Variants in CLUH observed in about 807,000 individuals in gnomAD.
The protein encoded by CLUH is CLUH binding protein of NUMT mRNA.
Under a neutral mutation model 139.3 loss-of-function variants are expected in CLUH, and 77 were observed. That is an observed-to-expected ratio of 0.55 (90% CI 0.46 to 0.67). The LOEUF (loss-of-function observed/expected upper bound fraction) is 0.67. CLUH is among the 30% of genes least tolerant of loss of function. CLUH has a pLI of 0.00. For synonymous variants in CLUH, 999 were observed against 801.6 expected, an observed-to-expected ratio of 1.25 and a Z score of -4.16; for missense variants, 1,876 against 1,875.8, an observed-to-expected ratio of 1.00 and a Z score of 0.00.
At position 2,695,493 on chromosome 17, in the gene CLUH, C is replaced by G. The variant is rs368772841; in HGVS notation, c.2425G>C (p.Val809Leu). ...KDCMEHAVLP[V>L]DGATLAEVMR... is the part of the protein sequence containing the mutation. ...ACCTCTGCCAGCGTTGCCCCGTCCA[C>G]GGGCAGGACCGCGTGCTCCATGCAG... Residue 809 changes from valine to leucine, a missense_variant, in exon 14 of 26, where the codon GTG (valine) becomes CTG (leucine). Physicochemically the swap from Val to Leu is conservative, Grantham distance 32. This residue lies in a region of CLUH where 1,454 missense variants were observed against 1,384.4 expected (regional missense o/e 1.05). Coordinates refer to ENST00000651024, the MANE Select transcript of CLUH (RefSeq NM_001366661.1). 4.7e-5 allele frequency: 75 copies of G among 1,607,388 alleles called. No homozygotes were observed. Among genetic ancestry groups the G allele is most frequent in the Non-Finnish European group, 6.3e-5 (74 of 1,179,636 alleles).
Position 2,692,495 on chromosome 17 carries a change from G to A in CLUH, c.3439-13C>T, listed in dbSNP as rs2069733139. The stretch of plus-strand genomic sequence containing the variant: ...GCCCGATGTTGTTCTGGGGGCAGGC[G>A]GTGGGGGGCCCTGGTCAGCTCCCGG... On this transcript the variant is annotated splice_polypyrimidine_tract_variant and intron_variant, in intron 21 of 25. Transcript: ENST00000651024. The A allele has an allele frequency of 2.5e-6, 4 of 1,597,130 alleles. No individual in the cohort carries two copies. Among genetic ancestry groups the A allele is most frequent in the South Asian group, 2.2e-5 (2 of 90,712 alleles).
chr17:2,691,961 GCCCCCGCCCCGCCCCCGC>G (rs1234017516), intron 23 of CLUH, 25 bp downstream of exon 23: 15 of 652,616 alleles, frequency 2.3e-5, no homozygotes, highest in Non-Finnish European at 2.6e-5. Context: ...GCCCCGCCAC[GCCCCCGCCCCGCCCCCGC>G]CCCCGCCACG....
rs2151724293 is a variant in CLUH, at chr17:2,707,120, T to C, written c.101-2556A>G. The C allele has an allele frequency of 1.0e-6, 1 of 957,706 alleles. No homozygotes were observed. The highest frequency in any genetic ancestry group is 1.8e-5 in the African/African-American group (1 of 56,806). 59.3% of individuals were successfully genotyped at this position (957,706 alleles called of 1,614,324 possible). A position where few individuals can be genotyped will look rare whatever the true frequency, so the allele number is the denominator to read the frequency against. ...GGTCTCCCCACCCCTGGATGAAGGC[T>C]GAGCGATCTCCCCCGCAGGCAGCTG... On this transcript the variant is annotated intron_variant, in intron 1 of 25. Coordinates refer to ENST00000651024, the MANE Select transcript of CLUH (RefSeq NM_001366661.1). The surrounding 1 kb of genome is among the most constrained non-coding windows in gnomAD (Gnocchi z 7.4).
intron 7 of CLUH, 152 bp from the exon 8 acceptor site, chr17:2,700,977 C>A (rs934306608): frequency 4.1e-5 from 59 of 1,430,324 alleles, no homozygotes; most frequent in Non-Finnish European, 5.3e-5. Context: ...GCCTCTCCTG[C>A]GGCTGCTGTC....
At chr17:2,708,335 G>A (rs766923393) in intron 1 of CLUH, among the ~76,000 whole-genome samples, 1 of 152,172 alleles carries the variant, frequency 6.6e-6, no homozygotes, top group Admixed American at 6.5e-5. Flanking sequence ...ACCCTCTCCT[G>A]AAATACACCC....
chr17:2,711,782 C>A (rs1177765336), upstream of CLUH: 1 of 286,316 alleles, frequency 3.5e-6, no homozygotes, highest in Non-Finnish European at 5.2e-6. Flanking sequence ...GTGGTGCGCG[C>A]CGTGGCCTTT....
rs540206732 is a variant in CLUH at position 2,704,710 on chromosome 17, C to T, written c.101-146G>A. The T allele has an allele frequency of 3.8e-5, 29 of 757,130 alleles. No individual in the cohort carries two copies. Among genetic ancestry groups the T allele is most frequent in the South Asian group, 2.7e-4 (15 of 54,730 alleles). 46.9% of individuals were successfully genotyped at this position (757,130 alleles called of 1,614,324 possible). Reference sequence around the variant, plus strand: ...AGCCTCACGGTCGCGCCTCGCCCTCCGTGCACCTGCAGGCCACTTCCACAC... The same window carrying T: ...AGCCTCACGGTCGCGCCTCGCCCTCTGTGCACCTGCAGGCCACTTCCACAC... On this transcript the variant is annotated intron_variant, in intron 1 of 25. Transcript: ENST00000651024. The surrounding 1 kb of genome is among the most constrained non-coding windows in gnomAD (Gnocchi z 5.7).
intron 22 of CLUH, 82 bp downstream of exon 22, chr17:2,692,279 G>C (rs1419402710): frequency 9.6e-6 from 14 of 1,464,294 alleles, no homozygotes; most frequent in Admixed American, 2.3e-5. Context: ...AGGAAGACAG[G>C]AGCACTGGGT....
intron 4 of CLUH, 41 bp downstream of exon 4, chr17:2,701,873 C>A: frequency 6.2e-7 from 1 of 1,611,014 alleles, no homozygotes; most frequent in Non-Finnish European, 8.5e-7. Context: ...TCCGTGCTCC[C>A]CGCCCTTTGG....
At position 2,698,660 on chromosome 17, in the gene CLUH, C is replaced by T. The variant is rs959493067; in HGVS notation, c.1267-70G>A. The T allele has an allele frequency of 2.0e-5, 28 of 1,419,080 alleles. No homozygotes were observed. In the African/African-American group the frequency reaches 3.7e-4, roughly 19 times the overall value. The allele number at this position is 1,419,080 out of a possible 1,614,324, so 87.9% of individuals were successfully genotyped here. A position where few individuals can be genotyped will look rare whatever the true frequency, so the allele number is the denominator to read the frequency against. On this transcript the variant is annotated intron_variant, in intron 9 of 25. Transcript: ENST00000651024. ...GAGCCTGCATCCACCTGGCCAAGCG[C>T]ACGCACCTAGACCGCGGAGGCAACC...
chr17:2,703,270 G>C lies in CLUH; in HGVS notation c.475+48C>G, dbSNP rs1341950051. On this transcript the variant is annotated intron_variant, in intron 3 of 25. Coordinates refer to ENST00000651024, the MANE Select transcript of CLUH (RefSeq NM_001366661.1). The surrounding 1 kb of genome is among the most constrained non-coding windows in gnomAD (Gnocchi z 4.2). ...GGCATGGATGGTGCTGCCTGCCTCTGCCTCCGTGGGCCCTCCCCCGGGCAG... is the reference window on the plus strand; with the variant it reads ...GGCATGGATGGTGCTGCCTGCCTCTCCCTCCGTGGGCCCTCCCCCGGGCAG... 1.9e-6 allele frequency: 3 copies of C among 1,560,550 alleles called. No individual in the cohort carries two copies. The highest frequency in any genetic ancestry group is 2.6e-6 in the Non-Finnish European group (3 of 1,151,842).
At position 2,696,496 on chromosome 17, in the gene CLUH, G is replaced by A. The variant is rs182611545; in HGVS notation, c.2228C>T (p.Ala743Val). The A allele has an allele frequency of 8.8e-6, 14 of 1,590,310 alleles. No individual in the cohort carries two copies. Among genetic ancestry groups the A allele is most frequent in the African/African-American group, 8.0e-5 (6 of 74,564 alleles). Residue 743 changes from alanine (A) to valine (V), a missense_variant, in exon 12 of 26, where the codon GCG becomes GTG. Coordinates refer to ENST00000651024, the MANE Select transcript of CLUH (RefSeq NM_001366661.1). ...SREVIRNACK[A>V]VGSISSTAFD... The stretch of plus-strand genomic sequence containing the variant: ...GGCGGTGCTGCTGATGGAGCCGACC[G>A]CCTTGCACGCGTTGCGGATCACCTC...
In CLUH at chr17:2,701,230, C is replaced by A. The variant is rs1291279785; in HGVS notation, c.935G>T (p.Ser312Ile). ...TAYHFNPKPA[S>I]PRFLSHSLVE... ...TAGGGAATGGCTTAGGAAGCGGGGG[C>A]TGGCGGGCTTGGGGTTGAAGTGATA... Residue 312 changes from serine to isoleucine, a missense_variant, in exon 7 of 26, where the codon AGC (serine) becomes ATC (isoleucine). By Grantham distance (142) the Ser-to-Ile change is moderately radical. Around this residue, in one of 3 missense-constraint regions of CLUH, gnomAD observed 270 missense variants for 354.7 expected, o/e 0.76. Coordinates refer to ENST00000651024, the MANE Select transcript of CLUH (RefSeq NM_001366661.1). The A allele has an allele frequency of 7.4e-6, 12 of 1,613,718 alleles. No homozygotes were observed. Among genetic ancestry groups the A allele is most frequent in the Non-Finnish European group, 4.2e-6 (5 of 1,179,784 alleles).
At chr17:2,693,817 C>A in intron 19 of CLUH, 83 bp downstream of exon 19, 1 of 1,497,478 alleles carries the variant, frequency 6.7e-7, no homozygotes, top group Non-Finnish European at 9.0e-7. Context: ...CCCTGGACTC[C>A]ACCCACTCCT....
At chr17:2,692,932 C>T in intron 19 of CLUH, 72 bp from the exon 20 acceptor site, 2 of 1,433,154 alleles carry the variant, frequency 1.4e-6, no homozygotes, top group African/African-American at 1.4e-5. Flanking sequence ...TGGCCCCGGC[C>T]CAGCAGCCCA....
At position 2,702,029 on chromosome 17, in the gene CLUH, G is replaced by T; in HGVS notation, c.504C>A (p.Ile168=). The change falls in exon 4 of 26, where the codon ATC becomes ATA. Residue 168 remains isoleucine (I), a synonymous_variant. Coordinates refer to ENST00000651024, the MANE Select transcript of CLUH (RefSeq NM_001366661.1). ...GCAGGTCTCGGACATGGCGCACGTG[G>T]ATGCGGGCCTCACGCACCGTGTACG... ...EEPYTVREAR[I]HVRHVRDLLK... is the part of the protein sequence containing the mutation. 6.2e-7 allele frequency: 1 copy of T among 1,613,906 alleles called. No homozygotes were observed. Among genetic ancestry groups the T allele is most frequent in the African/African-American group, 1.3e-5 (1 of 75,080 alleles).
chr17:2,698,155 T>G lies in CLUH; in HGVS notation c.1702A>C (p.Ile568Leu). 6.3e-7 allele frequency: 1 copy of G among 1,579,932 alleles called. No homozygotes were observed. The highest frequency in any genetic ancestry group is 8.6e-7 in the Non-Finnish European group (1 of 1,164,106). ...LLERTSRPLK[I>L]LRHQVLNDRD... ...TCGTTGAGCACCTGGTGCCGCAGGA[T>G]CTTGAGGGGCCGACTCGTGCGCTCC... Residue 568 changes from isoleucine to leucine, a missense_variant, in exon 10 of 26, where the codon ATC becomes CTC. Transcript: ENST00000651024.
At position 2,689,796 on chromosome 17, in the gene CLUH, T is replaced by C. The variant is rs74821358; in HGVS notation, c.*798A>G. 0.048 allele frequency: 7,292 copies of C among 152,796 alleles called. 454 individuals carry two copies. Among genetic ancestry groups the C allele is most frequent in the African/African-American group, 0.14 (5,920 of 41,432 alleles). 9.5% of individuals were successfully genotyped at this position (152,796 alleles called of 1,614,324 possible). ...TAATTGGGCCCCGCTTCCCCCAGCC[T>C]CGCCCCCGGCCCACTGTGCGTTCGG... is the stretch of plus-strand genomic sequence containing the variant. On this transcript the variant is annotated 3_prime_UTR_variant, in exon 26 of 26. Coordinates refer to ENST00000651024, the MANE Select transcript of CLUH (RefSeq NM_001366661.1).
At chr17:2,699,635 CTTTTT>C (rs34048701) in intron 9 of CLUH, among the ~76,000 whole-genome samples, 2 of 144,924 alleles carry the variant, frequency 1.4e-5, no homozygotes, top group Admixed American at 6.9e-5. Context: ...GCTGAGATTT[CTTTTT>C]TTTTTTTTTG....
Sources: gnomAD v4.1 joint callset for allele counts (sites outside exome capture counted in the v4.1 genomes callset) on GRCh38, gnomAD v4.1.1 for gene constraint, gnomAD v4.1.1 regional missense constraint, Gnocchi (gnomAD v3.1) non-coding constraint, MANE v1.5 for transcripts, NCBI Gene and HGNC (gene_info 2026-07-23, HGNC 2026-07-21) for gene names.